Variants in PCED1B observed in about 807,000 individuals in gnomAD.
PCED1B encodes PC-esterase domain-containing protein 1B.
For synonymous variants in PCED1B, 251 were observed against 246.1 expected, an observed-to-expected ratio of 1.02 and a Z score of -0.19; for missense variants, 573 against 573.9, an observed-to-expected ratio of 1.00 and a Z score of 0.02.
chr12:47,226,208 T>A (rs1943626646), intron 3 of PCED1B, among the ~76,000 whole-genome samples: 1 of 152,198 alleles, frequency 6.6e-6, no homozygotes, highest in Admixed American at 6.5e-5. Flanking sequence ...TTTAAAAAAA[T>A]TCTGTTTTAA....
chr12:47,102,384 A>ACATCATGTCTTTACTTG (rs1938746545), intron 1 of PCED1B, among the ~76,000 whole-genome samples: 1 of 152,242 alleles, frequency 6.6e-6, no homozygotes, highest in Non-Finnish European at 1.5e-5. Context: ...AATAATATCA[A>ACATCATGTCTTTACTTG]TAATTGCTGC....
intron 2 of PCED1B, among the ~76,000 whole-genome samples, chr12:47,142,820 G>A (rs542843601): frequency 6.6e-6 from 1 of 152,044 alleles, no homozygotes; most frequent in South Asian, 2.1e-4. Context: ...GCATAATAAA[G>A]AAGCCATGCG....
intron 2 of PCED1B, among the ~76,000 whole-genome samples, chr12:47,195,822 A>C (rs769821956): frequency 1.2e-4 from 18 of 152,234 alleles, no homozygotes; most frequent in Non-Finnish European, 1.8e-4. Flanking sequence ...AATATTCATT[A>C]TTCATTTTAT....
rs1404815 is a variant in PCED1B, at chr12:47,204,979, A to G, written c.-525-11243A>G. ...ACCACCTAACAGGTTCTCCTTGCCC[A>G]CTGCCTAGAGAGAGCCAGTTTATTA... On this transcript the variant is annotated intron_variant, in intron 2 of 3. Coordinates refer to ENST00000546455, the MANE Select transcript of PCED1B (RefSeq NM_138371.3). Among the ~76,000 whole-genome samples the G allele has an allele frequency of 6.8e-4, 103 of 152,312 alleles. 4 individuals are homozygous for G. The highest frequency in any genetic ancestry group is 5.8e-3 in the East Asian group (30 of 5,190).
intron 1 of PCED1B, 67 bp downstream of exon 1, chr12:47,079,792 C>A (rs1266414108): frequency 1.3e-5 from 2 of 149,694 alleles, no homozygotes. Context: ...GAGCCGGGGC[C>A]GCGGGAGGGG....
At position 47,183,969 on chromosome 12, in the gene PCED1B, G is replaced by A. The variant is rs74086375; in HGVS notation, c.-525-32253G>A. ...ATATGGTTCCTGCTGAGGCAGAGCT[G>A]ACATTTTATTGAGGAAAATAGACCA... is the stretch of plus-strand genomic sequence containing the variant. On this transcript the variant is annotated intron_variant, in intron 2 of 3. Coordinates refer to ENST00000546455, the MANE Select transcript of PCED1B (RefSeq NM_138371.3). Among the ~76,000 whole-genome samples, 429 of 152,328 alleles carry A rather than the reference G, an allele frequency of 2.8e-3. 4 individuals carry two copies. Among genetic ancestry groups the A allele is most frequent in the African/African-American group, 9.9e-3 (410 of 41,570 alleles).
intron 2 of PCED1B, among the ~76,000 whole-genome samples, chr12:47,117,387 C>T (rs1939471295): frequency 2.6e-5 from 4 of 152,092 alleles, no homozygotes; most frequent in Admixed American, 2.6e-4. Context: ...GTGATGTTCC[C>T]CATCCTGTGT....
At chr12:47,160,293 CTTTTTTTTTTTTTTTT>C (rs59856338) in intron 2 of PCED1B, among the ~76,000 whole-genome samples, 1 of 69,228 alleles carries the variant, frequency 1.4e-5, no homozygotes, top group Non-Finnish European at 2.5e-5. Context: ...TTTTCTTTTT[CTTTTTTTTTTTTTTTT>C]TTTTTTTTGA....
At position 47,108,612 on chromosome 12, in the gene PCED1B, T is replaced by G. The variant is rs1354072556; in HGVS notation, c.-526+4417T>G. Among the ~76,000 whole-genome samples, 3 of 152,220 alleles carry G rather than the reference T, an allele frequency of 2.0e-5. No homozygotes were observed. In the East Asian group the frequency reaches 5.8e-4, roughly 29 times the overall value. On this transcript the variant is annotated intron_variant, in intron 2 of 3. Transcript: ENST00000546455. The stretch of plus-strand genomic sequence containing the variant: ...ACCTACCATCTTTTCACATATTTAT[T>G]GGCCCTTTGCATTTTCTCTTAGGCT...
At chr12:47,091,905 G>C (rs1938282011) in intron 1 of PCED1B, among the ~76,000 whole-genome samples, 1 of 152,060 alleles carries the variant, frequency 6.6e-6, no homozygotes, top group African/African-American at 2.4e-5. Flanking sequence ...ACAGTTATCT[G>C]TTCTTGCACT....
At chr12:47,133,404 T>G (rs1251642382) in intron 2 of PCED1B, among the ~76,000 whole-genome samples, 1 of 152,118 alleles carries the variant, frequency 6.6e-6, no homozygotes, top group African/African-American at 2.4e-5. Flanking sequence ...AATCGATACA[T>G]GTTTGGACCA....
intron 2 of PCED1B, among the ~76,000 whole-genome samples, chr12:47,144,543 C>A (rs1422696477): frequency 6.6e-6 from 1 of 152,132 alleles, no homozygotes; most frequent in Non-Finnish European, 1.5e-5. Flanking sequence ...TATAGTCATA[C>A]ATTGCATTTC....
intron 3 of PCED1B, chr12:47,223,747 G>A (rs1328815311): frequency 6.6e-6 from 1 of 152,284 alleles, no homozygotes; most frequent in Non-Finnish European, 1.5e-5. Flanking sequence ...TCCAAACAGG[G>A]TTCTGTCTGC....
intron 2 of PCED1B, among the ~76,000 whole-genome samples, chr12:47,172,340 C>CTTTTTTTTTTTTTTTTTTTTTTTTTTTT (rs34230051): frequency 1.0e-4 from 8 of 78,350 alleles, no homozygotes; most frequent in Admixed American, 1.5e-4. Flanking sequence ...TCGTGGGTTG[C>CTTTTTTTTTTTTTTTTTTTTTTTTTTTT]TTTTTTTTTT....
intron 3 of PCED1B, among the ~76,000 whole-genome samples, chr12:47,220,787 A>G (rs1943452690): frequency 6.6e-6 from 1 of 152,234 alleles, no homozygotes; most frequent in African/African-American, 2.4e-5. Flanking sequence ...TTTTCTATCT[A>G]GGAGAGTAGG....
chr12:47,142,661 T>C (rs141224645), intron 2 of PCED1B, among the ~76,000 whole-genome samples: 2 of 151,698 alleles, frequency 1.3e-5, no homozygotes, highest in African/African-American at 4.8e-5. Context: ...CTGAGGAATA[T>C]AATGACAGAA....
At chr12:47,125,003 T>C (rs1681652370) in intron 2 of PCED1B, among the ~76,000 whole-genome samples, 1 of 152,046 alleles carries the variant, frequency 6.6e-6, no homozygotes, top group South Asian at 2.1e-4. Context: ...AAATAGCAGA[T>C]ATTCTTAATT....
chr12:47,213,084 G>A lies in PCED1B; in HGVS notation c.-525-3138G>A, dbSNP rs547035534. Among the ~76,000 whole-genome samples, 4 of 152,214 alleles carry A rather than the reference G, an allele frequency of 2.6e-5. No homozygotes were observed. The South Asian group carries it at 6.2e-4, about 24-fold the overall frequency. ...CCTGAATAGTGAAATCACTGATTTGGCTTTTCTCAATCTGTAACATCCCAA... is the reference window on the plus strand; with the variant it reads ...CCTGAATAGTGAAATCACTGATTTGACTTTTCTCAATCTGTAACATCCCAA... On this transcript the variant is annotated intron_variant, in intron 2 of 3. Coordinates refer to ENST00000546455, the MANE Select transcript of PCED1B (RefSeq NM_138371.3).
chr12:47,233,374 G>A (rs918327583), intron 3 of PCED1B, among the ~76,000 whole-genome samples: 9 of 151,844 alleles, frequency 5.9e-5, no homozygotes, highest in South Asian at 2.1e-4. Flanking sequence ...ATCTGACCTC[G>A]TGATCCACCC....
Sources: gnomAD v4.1 joint callset for allele counts (sites outside exome capture counted in the v4.1 genomes callset) on GRCh38, gnomAD v4.1.1 for gene constraint, MANE v1.5 for transcripts, NCBI Gene and HGNC (gene_info 2026-07-23, HGNC 2026-07-21) for gene names.